The following ARHGEF10L variants were observed in gnomAD, a reference collection of about 807,000 sequenced individuals.
The protein encoded by ARHGEF10L is Rho guanine nucleotide exchange factor 10 like, also known as rho guanine nucleotide exchange factor 10-like protein.
Under a neutral mutation model 141.2 loss-of-function variants are expected in ARHGEF10L, and 69 were observed. The ratio of observed to expected loss-of-function variants is 0.49; its 90% CI spans 0.40 to 0.60. The LOEUF is 0.60. Ranked by LOEUF, ARHGEF10L falls within the 20% of genes least tolerant of loss-of-function variation. The pLI, the probability that ARHGEF10L is intolerant of heterozygous loss-of-function variation, is 0.00. For missense variants in ARHGEF10L, 1,482 were observed against 1,734.3 expected, an observed-to-expected ratio of 0.85 and a Z score of 2.58; for synonymous variants, 711 against 718.5, an observed-to-expected ratio of 0.99 and a Z score of 0.17.
intron 2 of ARHGEF10L, among the ~76,000 whole-genome samples, chr1:17,586,842 C>T (rs1351227601): frequency 2.0e-5 from 3 of 151,998 alleles, no homozygotes; most frequent in African/African-American, 2.4e-5. Context: ...TTCATAGTCA[C>T]GAAAGGGGTT....
chr1:17,642,832 G>A (rs1055741449), intron 21 of ARHGEF10L, among the ~76,000 whole-genome samples: 3 of 152,218 alleles, frequency 2.0e-5, no homozygotes, highest in Non-Finnish European at 4.4e-5. Flanking sequence ...CCCACCCCAT[G>A]CATCACTTCC....
chr1:17,515,704 A>G, the ARHGEF10L span, among the ~76,000 whole-genome samples: 2 of 151,542 alleles, frequency 1.3e-5, no homozygotes, highest in African/African-American at 4.9e-5. Flanking sequence ...GTACAGTGAT[A>G]CAATCATGGC....
intron 1 of ARHGEF10L, among the ~76,000 whole-genome samples, chr1:17,571,824 A>G (rs563145025): frequency 3.3e-5 from 5 of 152,184 alleles, no homozygotes; most frequent in Admixed American, 6.5e-5. Flanking sequence ...ATGAACCACC[A>G]TGTCTGGCCA....
intron 1 of ARHGEF10L, among the ~76,000 whole-genome samples, chr1:17,553,178 T>C (rs1306009082): frequency 1.3e-5 from 2 of 152,174 alleles, no homozygotes; most frequent in Non-Finnish European, 2.9e-5. Flanking sequence ...AGAGGGGGAC[T>C]GGACTGGGAG....
At chr1:17,630,492 C>T (rs1175041853) in intron 15 of ARHGEF10L, among the ~76,000 whole-genome samples, 1 of 152,162 alleles carries the variant, frequency 6.6e-6, no homozygotes, top group African/African-American at 2.4e-5. Flanking sequence ...AATAGTGAGG[C>T]GGAGCCTGGC....
At chr1:17,555,810 T>C (rs967344231) in intron 1 of ARHGEF10L, among the ~76,000 whole-genome samples, 35 of 152,066 alleles carry the variant, frequency 2.3e-4, no homozygotes, top group African/African-American at 7.2e-4. Context: ...GTGTCCCTTC[T>C]ACCCTGGAGC....
chr1:17,667,739 G>A (rs11582250), intron 26 of ARHGEF10L, among the ~76,000 whole-genome samples: 33,365 of 152,156 alleles, frequency 0.22, 4,301 homozygotes, highest in African/African-American at 0.36. Context: ...TGTGAGTGGC[G>A]CGGCCCCAGG....
intron 4 of ARHGEF10L, among the ~76,000 whole-genome samples, chr1:17,592,818 G>A (rs970642791): frequency 2.0e-5 from 3 of 151,448 alleles, no homozygotes; most frequent in Non-Finnish European, 4.4e-5. Flanking sequence ...GTCCTGTCCC[G>A]CAGGGTCCAT....
chr1:17,518,322 G>A, the ARHGEF10L span, among the ~76,000 whole-genome samples: 2 of 152,208 alleles, frequency 1.3e-5, no homozygotes, highest in African/African-American at 4.8e-5. Flanking sequence ...CCGTGAGTGT[G>A]TTGAGGGCAG....
At chr1:17,538,479 T>C (rs2076613679), upstream of ARHGEF10L, among the ~76,000 whole-genome samples, 1 of 152,192 alleles carries the variant, frequency 6.6e-6, no homozygotes, top group Non-Finnish European at 1.5e-5. Context: ...GCTTATGTTC[T>C]TGTGTCGAGA....
At chr1:17,577,690 G>A (rs2078280082) in intron 1 of ARHGEF10L, among the ~76,000 whole-genome samples, 1 of 152,332 alleles carries the variant, frequency 6.6e-6, no homozygotes, top group Non-Finnish European at 1.5e-5. Context: ...CAGCCCCAAA[G>A]GCTAGGGAGG....
chr1:17,635,194 A>G (rs951550621), intron 18 of ARHGEF10L, among the ~76,000 whole-genome samples, 178 bp downstream of exon 18: 1 of 152,150 alleles, frequency 6.6e-6, no homozygotes, highest in Non-Finnish European at 1.5e-5. Context: ...ATGCAGAGCC[A>G]TGGCCTCACC....
At chr1:17,527,070 G>A in the ARHGEF10L span, among the ~76,000 whole-genome samples, 12 of 152,170 alleles carry the variant, frequency 7.9e-5, no homozygotes, top group Admixed American at 7.9e-4. Context: ...TTCTTGAAAA[G>A]TTGTTCTGGA....
At chr1:17,692,493 C>T (rs1053180498) in intron 27 of ARHGEF10L, among the ~76,000 whole-genome samples, 1 of 152,168 alleles carries the variant, frequency 6.6e-6, no homozygotes, top group Non-Finnish European at 1.5e-5. Context: ...GGCAGAGGAG[C>T]CTCAGTGCTA....
intron 1 of ARHGEF10L, among the ~76,000 whole-genome samples, chr1:17,553,790 A>G (rs1356608372): frequency 6.6e-6 from 1 of 152,146 alleles, no homozygotes; most frequent in African/African-American, 2.4e-5. Context: ...CCCTGTCTCT[A>G]AAAAATAAAA....
At chr1:17,688,972 G>A (rs1305228452) in intron 27 of ARHGEF10L, among the ~76,000 whole-genome samples, 3 of 152,100 alleles carry the variant, frequency 2.0e-5, no homozygotes, top group African/African-American at 4.8e-5. Context: ...CTGCCACCCT[G>A]CCCGGGCCTG....
chr1:17,560,492 G>A (rs2077502444), intron 1 of ARHGEF10L, among the ~76,000 whole-genome samples: 1 of 152,188 alleles, frequency 6.6e-6, no homozygotes, highest in Non-Finnish European at 1.5e-5. Flanking sequence ...TGATAGGCAG[G>A]AACCAGCCCA....
intron 21 of ARHGEF10L, among the ~76,000 whole-genome samples, 182 bp downstream of exon 21, chr1:17,640,484 C>G (rs2061268297): frequency 6.6e-6 from 1 of 152,120 alleles, no homozygotes; most frequent in African/African-American, 2.4e-5. Context: ...TGCTTTGTGA[C>G]CCTGGACAAG....
chr1:17,561,178 C>T (rs2077529562), intron 1 of ARHGEF10L, among the ~76,000 whole-genome samples: 1 of 152,216 alleles, frequency 6.6e-6, no homozygotes, highest in Admixed American at 6.5e-5. Context: ...GTGGTTTCCC[C>T]TGCCCAGAAC....
Sources: gnomAD v4.1 joint callset for allele counts (sites outside exome capture counted in the v4.1 genomes callset) on GRCh38, gnomAD v4.1.1 for gene constraint, MANE v1.5 for transcripts, NCBI Gene and HGNC (gene_info 2026-07-23, HGNC 2026-07-21) for gene names.